ASTN2: variants seen among roughly 807,000 people sequenced by gnomAD.
ASTN2 encodes the protein astrotactin-2.
ASTN2 carries 54 observed loss-of-function variants against 139.8 expected under a neutral mutation model. The ratio of observed to expected loss-of-function variants is 0.39; its 90% CI spans 0.31 to 0.48. The LOEUF (loss-of-function observed/expected upper bound fraction) is 0.48. ASTN2 is among the 20% of genes least tolerant of loss of function. The pLI is 0.95. For missense variants in ASTN2, 1,565 were observed against 1,725.1 expected, an observed-to-expected ratio of 0.91 and a Z score of 1.64; for synonymous variants, 756 against 719.5, an observed-to-expected ratio of 1.05 and a Z score of -0.81.
At chr9:116,976,680 C>T in intron 8 of ASTN2, 21 bp downstream of exon 8, 4 of 1,612,778 alleles carry the variant, frequency 2.5e-6, no homozygotes, top group Non-Finnish European at 1.7e-6. Flanking sequence ...TGTCCTGGAC[C>T]TGATGCCCTT....
intron 13 of ASTN2, among the ~76,000 whole-genome samples, chr9:116,780,739 T>C (rs1201354151): frequency 6.6e-6 from 1 of 152,216 alleles, no homozygotes; most frequent in East Asian, 1.9e-4. Context: ...CAAGAGCTAT[T>C]TTATTTACTT....
intron 3 of ASTN2, among the ~76,000 whole-genome samples, chr9:117,159,357 G>T (rs543100823): frequency 8.5e-5 from 13 of 152,072 alleles, no homozygotes; most frequent in African/African-American, 3.1e-4. Context: ...AGTGCTGCAT[G>T]CTTATTCTAA....
At chr9:117,161,537 T>C (rs1830552507) in intron 3 of ASTN2, among the ~76,000 whole-genome samples, 1 of 152,006 alleles carries the variant, frequency 6.6e-6, no homozygotes, top group Admixed American at 6.6e-5. Flanking sequence ...GGGATTACAG[T>C]TGTGTGCCAC....
chr9:117,359,520 C>T (rs1427237664), intron 1 of ASTN2, among the ~76,000 whole-genome samples: 1 of 152,132 alleles, frequency 6.6e-6, no homozygotes, highest in Non-Finnish European at 1.5e-5. Context: ...CTTCTATGTA[C>T]GCATGTAGGT....
At chr9:117,295,842 G>A (rs906486809) in intron 1 of ASTN2, among the ~76,000 whole-genome samples, 19 of 152,196 alleles carry the variant, frequency 1.2e-4, no homozygotes, top group South Asian at 6.2e-4. Flanking sequence ...ACTACTTCCA[G>A]AAGGTGGTGG....
At chr9:116,948,675 A>G (rs560849429) in intron 10 of ASTN2, among the ~76,000 whole-genome samples, 2 of 146,828 alleles carry the variant, frequency 1.4e-5, no homozygotes, top group African/African-American at 5.0e-5. Flanking sequence ...CTTTCAGTAG[A>G]TAGAGTTTGA....
At chr9:116,590,255 C>T (rs1854325683) in intron 19 of ASTN2, among the ~76,000 whole-genome samples, 1 of 152,320 alleles carries the variant, frequency 6.6e-6, no homozygotes. Context: ...GGGGATCACC[C>T]CCTTCCCCCA....
intron 1 of ASTN2, among the ~76,000 whole-genome samples, chr9:117,360,478 C>A (rs568032686): frequency 6.6e-6 from 1 of 152,148 alleles, no homozygotes; most frequent in Admixed American, 6.5e-5. Flanking sequence ...GAAACTATAC[C>A]AAAGCAAGAA....
chr9:116,828,006 C>A (rs959278216), intron 11 of ASTN2, among the ~76,000 whole-genome samples: 3 of 152,162 alleles, frequency 2.0e-5, no homozygotes, highest in African/African-American at 7.2e-5. Flanking sequence ...TAACAAAATA[C>A]TAGCAAAAGG....
In ASTN2 at chr9:116,698,640, AC is replaced by A; in HGVS notation, c.2806+27130del. On this transcript the variant is annotated intron_variant, in intron 16 of 22. Coordinates refer to ENST00000313400, the MANE Select transcript of ASTN2 (RefSeq NM_001365068.1). This position sits in a 1 kb window ranked among gnomAD's most constrained non-coding sequence, Gnocchi z 4.4. Reference sequence around the variant, plus strand: ...TGGACAAGCTGTTAAGAAGCCCCGGACAGTTAACGTGGAAGATTCCTGGGCC... The same window carrying A: ...TGGACAAGCTGTTAAGAAGCCCCGGAAGTTAACGTGGAAGATTCCTGGGCC... 1 of 1,614,112 alleles carries A rather than the reference AC, an allele frequency of 6.2e-7. No homozygotes were observed. Among genetic ancestry groups the A allele is most frequent in the Non-Finnish European group, 8.5e-7 (1 of 1,180,024 alleles).
At chr9:117,407,900 T>C (rs1831042667) in intron 1 of ASTN2, among the ~76,000 whole-genome samples, 1 of 152,180 alleles carries the variant, frequency 6.6e-6, no homozygotes, top group Admixed American at 6.5e-5. Flanking sequence ...GTATCAGCTC[T>C]GGAAAGGAAG....
At chr9:117,146,232 C>T (rs115860611) in intron 3 of ASTN2, among the ~76,000 whole-genome samples, 261 of 152,236 alleles carry the variant, frequency 1.7e-3, no homozygotes, top group African/African-American at 6.0e-3. Flanking sequence ...TCTGACTCCC[C>T]AGAGCGGCAA....
chr9:116,847,650 G>T (rs994077974), intron 11 of ASTN2, among the ~76,000 whole-genome samples: 2 of 152,196 alleles, frequency 1.3e-5, no homozygotes, highest in South Asian at 4.1e-4. Context: ...CAGCCTGATG[G>T]TATAGGAACT....
chr9:116,641,049 C>T (rs765680319), intron 17 of ASTN2, among the ~76,000 whole-genome samples: 2 of 152,172 alleles, frequency 1.3e-5, no homozygotes, highest in Non-Finnish European at 2.9e-5. Flanking sequence ...ATAGAAAATA[C>T]TGTCAGAAGA....
chr9:116,909,339 A>G (rs890040778), intron 10 of ASTN2, among the ~76,000 whole-genome samples: 3 of 152,120 alleles, frequency 2.0e-5, no homozygotes, highest in Non-Finnish European at 2.9e-5. Flanking sequence ...AAATTGCTGC[A>G]TTTTCAAGTT....
At chr9:116,623,032 C>G (rs1856243877) in intron 17 of ASTN2, among the ~76,000 whole-genome samples, 1 of 152,124 alleles carries the variant, frequency 6.6e-6, no homozygotes. Context: ...GTAACATCTC[C>G]AGCCAACACT....
At chr9:116,674,484 T>G (rs1032762716) in intron 16 of ASTN2, among the ~76,000 whole-genome samples, 2 of 152,248 alleles carry the variant, frequency 1.3e-5, no homozygotes, top group Non-Finnish European at 2.9e-5. Context: ...AGAGCCATCC[T>G]GCCCACAAAT....
chr9:117,194,558 C>T (rs1009700015), intron 3 of ASTN2, among the ~76,000 whole-genome samples: 1 of 152,166 alleles, frequency 6.6e-6, no homozygotes, highest in South Asian at 2.1e-4. Context: ...TGTGCAGGCT[C>T]ACTGTATAAA....
intron 2 of ASTN2, among the ~76,000 whole-genome samples, chr9:117,264,598 C>G (rs561181679): frequency 1.4e-4 from 21 of 152,100 alleles, no homozygotes; most frequent in Middle Eastern, 3.4e-3. Flanking sequence ...TCCGAATATA[C>G]AAGAGGAAAA....
Sources: gnomAD v4.1 joint callset for allele counts (sites outside exome capture counted in the v4.1 genomes callset) on GRCh38, gnomAD v4.1.1 for gene constraint, Gnocchi (gnomAD v3.1) non-coding constraint, MANE v1.5 for transcripts, NCBI Gene and HGNC (gene_info 2026-07-23, HGNC 2026-07-21) for gene names.